Variants in SHOC2 observed in about 807,000 individuals in gnomAD.
SHOC2 encodes the protein leucine-rich repeat protein SHOC-2.
SHOC2 carries 4 observed loss-of-function variants against 50.2 expected under a neutral mutation model. The ratio of observed to expected loss-of-function variants is 0.08; its 90% CI spans 0.04 to 0.18. The LOEUF (loss-of-function observed/expected upper bound fraction) is 0.18. SHOC2 is among the 10% of genes least tolerant of loss of function. SHOC2 has a pLI of 1.00. For synonymous variants in SHOC2, 218 were observed against 244.5 expected (o/e 0.89, Z 1.01); for missense variants, 388 against 669.6 (o/e 0.58, Z 4.64).
intron 3 of SHOC2, among the ~76,000 whole-genome samples, chr10:110,991,414 G>A (rs1392879531): frequency 6.6e-6 from 1 of 152,076 alleles, no homozygotes; most frequent in African/African-American, 2.4e-5. Context: ...TATAGGGCCA[G>A]ATTACAGTAT....
Position 110,992,673 on chromosome 10 carries a change from C to G in SHOC2, c.841+6908C>G, listed in dbSNP as rs368435612. Among the ~76,000 whole-genome samples, 56 of 152,282 alleles carry G rather than the reference C, an allele frequency of 3.7e-4. No homozygotes were observed. The South Asian group carries it at 8.9e-3, about 24-fold the overall frequency. On this transcript the variant is annotated intron_variant, in intron 3 of 8. Coordinates refer to ENST00000369452, the MANE Select transcript of SHOC2 (RefSeq NM_007373.4). Reference sequence around the variant, plus strand: ...AATGTTACATTAATTATGGTTATATCAACAAGTAGCATTTTAGTCATTTTA... The same window carrying G: ...AATGTTACATTAATTATGGTTATATGAACAAGTAGCATTTTAGTCATTTTA...
At chr10:110,965,108 A>G (rs1342172744) in intron 2 of SHOC2, 47 bp downstream of exon 2, 2 of 1,544,032 alleles carry the variant, frequency 1.3e-6, no homozygotes, top group Non-Finnish European at 1.8e-6. Context: ...GTTATGCTAA[A>G]TAATTTTGAG....
At chr10:110,953,080 C>G (rs529218132) in intron 1 of SHOC2, among the ~76,000 whole-genome samples, 1 of 152,120 alleles carries the variant, frequency 6.6e-6, no homozygotes, top group Admixed American at 6.5e-5. Context: ...GGCTATATAC[C>G]CAGTAATGGG....
chr10:110,952,381 A>G (rs1459202451), intron 1 of SHOC2, among the ~76,000 whole-genome samples: 1 of 152,162 alleles, frequency 6.6e-6, no homozygotes, highest in Non-Finnish European at 1.5e-5. Flanking sequence ...CAGAAAGTGC[A>G]TAGTTTACAT....
At chr10:110,980,736 C>T (rs994273938) in intron 2 of SHOC2, among the ~76,000 whole-genome samples, 1 of 152,056 alleles carries the variant, frequency 6.6e-6, no homozygotes, top group Non-Finnish European at 1.5e-5. Context: ...TTGTTCCCCT[C>T]CTCTCCTTAT....
chr10:111,003,581 G>A (rs941501056), intron 4 of SHOC2, among the ~76,000 whole-genome samples: 1 of 152,074 alleles, frequency 6.6e-6, no homozygotes, highest in African/African-American at 2.4e-5. Context: ...CACTAGGTTC[G>A]GAAAAATAAC....
At chr10:110,921,568 G>A (rs905421071) in intron 1 of SHOC2, among the ~76,000 whole-genome samples, 1 of 152,142 alleles carries the variant, frequency 6.6e-6, no homozygotes, top group Non-Finnish European at 1.5e-5. Flanking sequence ...TGGGTACATA[G>A]TAGGTTTTTA....
chr10:110,930,922 T>C (rs1262967923), intron 1 of SHOC2, among the ~76,000 whole-genome samples: 1 of 152,040 alleles, frequency 6.6e-6, no homozygotes, highest in Admixed American at 6.6e-5. Context: ...ATATGGTGAG[T>C]TGAAGTGTTG....
chr10:111,007,932 G>A (rs1054843915), intron 6 of SHOC2, among the ~76,000 whole-genome samples: 1 of 151,636 alleles, frequency 6.6e-6, no homozygotes, highest in African/African-American at 2.4e-5. Context: ...GCATCTTTTA[G>A]AACAATTTTT....
chr10:110,936,618 G>A (rs1426603433), intron 1 of SHOC2: 7 of 363,658 alleles, frequency 1.9e-5, no homozygotes, highest in Middle Eastern at 9.9e-4. Flanking sequence ...AGTCTTTATT[G>A]GGCTCAGACC....
chr10:110,994,437 C>T (rs1211037504), intron 3 of SHOC2, among the ~76,000 whole-genome samples: 1 of 152,110 alleles, frequency 6.6e-6, no homozygotes, highest in African/African-American at 2.4e-5. Context: ...AATATTTTCA[C>T]ATGTGCACAA....
At chr10:110,944,083 GA>G (rs1421453748) in intron 1 of SHOC2, among the ~76,000 whole-genome samples, 3 of 152,108 alleles carry the variant, frequency 2.0e-5, no homozygotes, top group African/African-American at 7.2e-5. Context: ...TGTTATTACA[GA>G]AAAACTGAGA....
chr10:110,998,212 T>G (rs574549920), intron 3 of SHOC2, among the ~76,000 whole-genome samples: 2 of 152,148 alleles, frequency 1.3e-5, no homozygotes, highest in Non-Finnish European at 2.9e-5. Context: ...TTGACCAGAC[T>G]GGTCTCGAAC....
intron 1 of SHOC2, among the ~76,000 whole-genome samples, chr10:110,939,992 T>C (rs1439720146): frequency 6.6e-6 from 1 of 152,220 alleles, no homozygotes; most frequent in East Asian, 1.9e-4. Flanking sequence ...AACATACTTT[T>C]CAGAAGATAC....
chr10:111,002,131 C>T (rs1183475351), intron 4 of SHOC2, among the ~76,000 whole-genome samples: 1 of 152,066 alleles, frequency 6.6e-6, no homozygotes, highest in Non-Finnish European at 1.5e-5. Flanking sequence ...TTCCTGGGTA[C>T]CTATTAGGAA....
At chr10:111,009,535 C>A in intron 7 of SHOC2, 150 bp downstream of exon 7, 1 of 840,618 alleles carries the variant, frequency 1.2e-6, no homozygotes, top group Non-Finnish European at 1.9e-6. Context: ...TATAACCTGG[C>A]TTTGTTTTCC....
In SHOC2 at chr10:110,964,416, T is replaced by A. The variant is rs766010467; in HGVS notation, c.58T>A (p.Ser20Thr). ...TAAAGAAAAAGATCCCAAAGTACCA[T>A]CAGCCAAGGAAAGAGAAAAGGAGGC... ...DSKEKDPKVP[S>T]AKEREKEAKA... Residue 20 changes from serine to threonine, a missense_variant, in exon 2 of 9, where the codon TCA becomes ACA. Physicochemically the swap from Ser to Thr is moderately conservative, Grantham distance 58. Transcript: ENST00000369452. The surrounding 1 kb of genome is among the most constrained non-coding windows in gnomAD (Gnocchi z 4.9). 7.4e-6 allele frequency: 12 copies of A among 1,612,798 alleles called. No homozygotes were observed. The South Asian group carries it at 1.2e-4, about 16-fold the overall frequency.
intron 1 of SHOC2, among the ~76,000 whole-genome samples, chr10:110,930,057 G>A (rs1186863532): frequency 1.5e-5 from 2 of 135,098 alleles, no homozygotes; most frequent in African/African-American, 6.0e-5. Flanking sequence ...GATCTTATAT[G>A]AGGAAGATTT....
chr10:110,941,853 T>C (rs1847152459), intron 1 of SHOC2, among the ~76,000 whole-genome samples: 1 of 152,214 alleles, frequency 6.6e-6, no homozygotes, highest in Non-Finnish European at 1.5e-5. Context: ...AAGACTTTCT[T>C]GTATGTTTTC....
Sources: gnomAD v4.1 joint callset for allele counts (sites outside exome capture counted in the v4.1 genomes callset) on GRCh38, gnomAD v4.1.1 for gene constraint, Gnocchi (gnomAD v3.1) non-coding constraint, MANE v1.5 for transcripts, NCBI Gene and HGNC (gene_info 2026-07-23, HGNC 2026-07-21) for gene names.